Variants in H4C7 observed in about 807,000 individuals in gnomAD.
H4C7 encodes the protein H4 clustered histone 7.
Under a neutral mutation model 5.2 loss-of-function variants are expected in H4C7, and 7 were observed. That is an observed-to-expected ratio of 1.34 (90% CI 0.76 to 2.52). The LOEUF is 2.52. Among genes scored for constraint, H4C7 ranks in the 30% most tolerant of loss-of-function variants. The probability of loss-of-function intolerance (pLI) is 0.00; values close to 1 mark genes in which losing one functional copy is unlikely to be tolerated. For missense variants in H4C7, 148 were observed against 138.4 expected, an observed-to-expected ratio of 1.07 and a Z score of -0.35; for synonymous variants, 69 against 57.5, an observed-to-expected ratio of 1.20 and a Z score of -0.90.
Position 26,246,744 on chromosome 6 carries a change from C to T in H4C7, c.234G>A (p.Lys78=), listed in dbSNP as rs746299275. The change falls in exon 1 of 1, where the codon AAG becomes AAA. Residue 78 remains lysine (K), a synonymous_variant. Coordinates refer to ENST00000611444, the MANE Select transcript of H4C7 (RefSeq NM_003547.3). ...WYAVTNTEHA[K]RKTVTAMAVV... ...CGGCCATGGCGGTGACCGTCTTGCG[C>T]TTGGCGTGCTCCGTGTTGGTCACGG... 1.4e-5 allele frequency: 22 copies of T among 1,613,142 alleles called. No homozygotes were observed. The highest frequency in any genetic ancestry group is 1.6e-4 in the Middle Eastern group (1 of 6,082).
chr6:26,246,624 A>G lies in H4C7; in HGVS notation c.*57T>C. 2.0e-6 allele frequency: 3 copies of G among 1,482,832 alleles called. No homozygotes were observed. The highest frequency in any genetic ancestry group is 2.7e-6 in the Non-Finnish European group (3 of 1,101,076). The allele number at this position is 1,482,832 out of a possible 1,614,324, so 91.9% of individuals were successfully genotyped here. A position where few individuals can be genotyped will look rare whatever the true frequency, so the allele number is the denominator to read the frequency against. ...CGGAAGAAAACGTACGCGGCCCTGA[A>G]AAGGGCCATTAACGATATTGCAAGG... On this transcript the variant is annotated 3_prime_UTR_variant, in exon 1 of 1. Coordinates refer to ENST00000611444, the MANE Select transcript of H4C7 (RefSeq NM_003547.3).
Position 26,246,839 on chromosome 6 carries a change from T to A in H4C7, c.139A>T (p.Ile47Phe). Residue 47 changes from isoleucine to phenylalanine, a missense_variant, in exon 1 of 1, where the codon ATC (isoleucine) becomes TTC (phenylalanine). Physicochemically the swap from Ile to Phe is conservative, Grantham distance 21. Coordinates refer to ENST00000611444, the MANE Select transcript of H4C7 (RefSeq NM_003547.3). Reference protein sequence around the residue: ...RLARHGGVKRILGLIYEETRR... With the variant: ...RLARHGGVKRFLGLIYEETRR... ...GTCTCCTCATAAATGAGGCCCAAGA[T>A]GCGCTTGACACCGCCATGCCGGGCC... 6.2e-7 allele frequency: 1 copy of A among 1,614,214 alleles called. No homozygotes were observed. The highest frequency in any genetic ancestry group is 8.5e-7 in the Non-Finnish European group (1 of 1,180,034).
chr6:26,246,984 C>T lies in H4C7; in HGVS notation c.-7G>A. ...CCTTGCCCCGAACAGACATGATAAACAAGTCAGAACTATCTCTAAACAAAA... is the reference window on the plus strand; with the variant it reads ...CCTTGCCCCGAACAGACATGATAAATAAGTCAGAACTATCTCTAAACAAAA... On this transcript the variant is annotated 5_prime_UTR_variant, in exon 1 of 1. Coordinates refer to ENST00000611444, the MANE Select transcript of H4C7 (RefSeq NM_003547.3). 1 of 1,575,316 alleles carries T rather than the reference C, an allele frequency of 6.3e-7. No homozygotes were observed. The highest frequency in any genetic ancestry group is 8.7e-7 in the Non-Finnish European group (1 of 1,154,424).
rs778903484 is a variant in H4C7 at position 26,246,757 on chromosome 6, G to C, written c.221C>G (p.Thr74Arg). Residue 74 changes from threonine to arginine, a missense_variant, in exon 1 of 1, where the codon ACG becomes AGG. Coordinates refer to ENST00000611444, the MANE Select transcript of H4C7 (RefSeq NM_003547.3). ...GACCGTCTTGCGCTTGGCGTGCTCC[G>C]TGTTGGTCACGGCGTACCAGATCAC... ...ENVIWYAVTN[T>R]EHAKRKTVTA... 6 of 1,614,002 alleles carry C rather than the reference G, an allele frequency of 3.7e-6. No individual in the cohort carries two copies. The South Asian group carries it at 6.6e-5, about 18-fold the overall frequency.
rs767165492 is a variant in H4C7 at position 26,246,792 on chromosome 6, G to C, written c.186C>G (p.Phe62Leu). The change falls in exon 1 of 1, where the codon TTC becomes TTG. Residue 62 changes from phenylalanine to leucine, a missense_variant. Coordinates refer to ENST00000611444, the MANE Select transcript of H4C7 (RefSeq NM_003547.3). ...YEETRRVFKV[F>L]LENVIWYAVT... ...CGGCGTACCAGATCACATTTTCCAG[G>C]AACACCTTGAACACCCGGCGGGTCT... is the stretch of plus-strand genomic sequence containing the variant. 2.5e-5 allele frequency: 41 copies of C among 1,614,022 alleles called. No homozygotes were observed. The highest frequency in any genetic ancestry group is 3.3e-5 in the Non-Finnish European group (39 of 1,180,020).
rs1433059111 is a variant in H4C7, at chr6:26,246,756, C to T, written c.222G>A (p.Thr74=). The T allele has an allele frequency of 1.2e-6, 2 of 1,613,816 alleles. No homozygotes were observed. The highest frequency in any genetic ancestry group is 1.7e-6 in the Non-Finnish European group (2 of 1,179,844). ...TGACCGTCTTGCGCTTGGCGTGCTC[C>T]GTGTTGGTCACGGCGTACCAGATCA... ...ENVIWYAVTN[T]EHAKRKTVTA... The change falls in exon 1 of 1, where the codon ACG becomes ACA. Residue 74 remains threonine, a synonymous_variant. Transcript: ENST00000611444.
At position 26,246,987 on chromosome 6, in the gene H4C7, G is replaced by T; in HGVS notation, c.-10C>A. On this transcript the variant is annotated 5_prime_UTR_variant, in exon 1 of 1. Transcript: ENST00000611444. Reference sequence around the variant, plus strand: ...TGCCCCGAACAGACATGATAAACAAGTCAGAACTATCTCTAAACAAAACGA... The same window carrying T: ...TGCCCCGAACAGACATGATAAACAATTCAGAACTATCTCTAAACAAAACGA... 6.4e-7 allele frequency: 1 copy of T among 1,574,496 alleles called. No homozygotes were observed. Among genetic ancestry groups the T allele is most frequent in the Non-Finnish European group, 8.7e-7 (1 of 1,154,034 alleles).
Position 26,246,957 on chromosome 6 carries a change from G to C in H4C7, c.21C>G (p.Ala7=), listed in dbSNP as rs371099752. 1 of 1,599,884 alleles carries C rather than the reference G, an allele frequency of 6.3e-7. No individual in the cohort carries two copies. The highest frequency in any genetic ancestry group is 1.7e-5 in the Admixed American group (1 of 59,534). MSVRGK[A]GKGLGKGGAK... The stretch of plus-strand genomic sequence containing the variant: ...CACCGCCTTTCCCAAGGCCTTTTCC[G>C]GCCTTGCCCCGAACAGACATGATAA... Residue 7 remains alanine, a synonymous_variant, in exon 1 of 1, where the codon GCC becomes GCG. Coordinates refer to ENST00000611444, the MANE Select transcript of H4C7 (RefSeq NM_003547.3).
chr6:26,246,720 G>C lies in H4C7; in HGVS notation c.258C>G (p.Ala86=), dbSNP rs1759965019. The C allele has an allele frequency of 2.5e-6, 4 of 1,606,810 alleles. No individual in the cohort carries two copies. Among genetic ancestry groups the C allele is most frequent in the Non-Finnish European group, 3.4e-6 (4 of 1,173,976 alleles). ...HAKRKTVTAM[A]VVYVLKRQGR... ...CCTGGCGTTTGAGCACGTAGACCAC[G>C]GCCATGGCGGTGACCGTCTTGCGCT... The change falls in exon 1 of 1, where the codon GCC becomes GCG. Residue 86 remains alanine, a synonymous_variant. Transcript: ENST00000611444.
chr6:26,246,708 C>A lies in H4C7; in HGVS notation c.270G>T (p.Val90=), dbSNP rs369079061. 1.2e-5 allele frequency: 19 copies of A among 1,601,768 alleles called. No individual in the cohort carries two copies. Among genetic ancestry groups the A allele is most frequent in the Non-Finnish European group, 1.6e-5 (19 of 1,170,310 alleles). The change falls in exon 1 of 1, where the codon GTG becomes GTT. Residue 90 remains valine, a synonymous_variant. Coordinates refer to ENST00000611444, the MANE Select transcript of H4C7 (RefSeq NM_003547.3). Reference sequence around the variant, plus strand: ...ACAGGGTTCTTCCCTGGCGTTTGAGCACGTAGACCACGGCCATGGCGGTGA... The same window carrying A: ...ACAGGGTTCTTCCCTGGCGTTTGAGAACGTAGACCACGGCCATGGCGGTGA... ...KTVTAMAVVY[V]LKRQGRTL is the part of the protein sequence containing the mutation.
rs1019994955 is a variant in H4C7 at position 26,246,968 on chromosome 6, G to C, written c.10C>G (p.Arg4Gly). The change falls in exon 1 of 1, where the codon CGG (arginine) becomes GGG (glycine). Residue 4 changes from arginine (R) to glycine (G), a missense_variant. Transcript: ENST00000611444. MSV[R>G]GKAGKGLGKG... is the part of the protein sequence containing the mutation. ...CCAAGGCCTTTTCCGGCCTTGCCCCGAACAGACATGATAAACAAGTCAGAA... is the reference window on the plus strand; with the variant it reads ...CCAAGGCCTTTTCCGGCCTTGCCCCCAACAGACATGATAAACAAGTCAGAA... The C allele has an allele frequency of 1.3e-6, 2 of 1,590,396 alleles. No homozygotes were observed. The highest frequency in any genetic ancestry group is 2.7e-5 in the African/African-American group (2 of 74,210).
chr6:26,246,967 C>T lies in H4C7; in HGVS notation c.11G>A (p.Arg4Gln). ...CCCAAGGCCTTTTCCGGCCTTGCCCCGAACAGACATGATAAACAAGTCAGA... is the reference window on the plus strand; with the variant it reads ...CCCAAGGCCTTTTCCGGCCTTGCCCTGAACAGACATGATAAACAAGTCAGA... The part of the protein sequence containing the change: MSV[R>Q]GKAGKGLGKG... The change falls in exon 1 of 1, where the codon CGG (arginine) becomes CAG (glutamine). Residue 4 changes from arginine to glutamine, a missense_variant. Coordinates refer to ENST00000611444, the MANE Select transcript of H4C7 (RefSeq NM_003547.3). 1 of 1,591,582 alleles carries T rather than the reference C, an allele frequency of 6.3e-7. No individual in the cohort carries two copies. The highest frequency in any genetic ancestry group is 8.6e-7 in the Non-Finnish European group (1 of 1,163,572).
rs757598944 is a variant in H4C7, at chr6:26,246,616, G to T, written c.*65C>A. The stretch of plus-strand genomic sequence containing the variant: ...GAGCCCTTCGGAAGAAAACGTACGC[G>T]GCCCTGAAAAGGGCCATTAACGATA... On this transcript the variant is annotated 3_prime_UTR_variant, in exon 1 of 1. Coordinates refer to ENST00000611444, the MANE Select transcript of H4C7 (RefSeq NM_003547.3). The T allele has an allele frequency of 6.6e-5, 96 of 1,451,604 alleles. No individual in the cohort carries two copies. Among genetic ancestry groups the T allele is most frequent in the Non-Finnish European group, 8.3e-5 (89 of 1,076,702 alleles). 89.9% of individuals were successfully genotyped at this position (1,451,604 alleles called of 1,614,324 possible).
Position 26,246,899 on chromosome 6 carries a change from T to A in H4C7, c.79A>T (p.Ile27Phe). ...KCHRKVLSDN[I>F]QGITKCTIRR... ...ATAGTGCACTTGGTAATGCCCTGAA[T>A]ATTATCGCTCAGTACCTTGCGATGG... Residue 27 changes from isoleucine to phenylalanine, a missense_variant, in exon 1 of 1, where the codon ATT (isoleucine) becomes TTT (phenylalanine). Physicochemically the swap from Ile to Phe is conservative, Grantham distance 21 (BLOSUM62 0). Coordinates refer to ENST00000611444, the MANE Select transcript of H4C7 (RefSeq NM_003547.3). 6.2e-7 allele frequency: 1 copy of A among 1,614,180 alleles called. No individual in the cohort carries two copies. Among genetic ancestry groups the A allele is most frequent in the Non-Finnish European group, 8.5e-7 (1 of 1,180,006 alleles).
chr6:26,246,903 A>AT lies in H4C7; in HGVS notation c.74dup (p.Asp25GlufsTer2). ...TGCACTTGGTAATGCCCTGAATATTATCGCTCAGTACCTTGCGATGGCACT... is the reference window on the plus strand; with the variant it reads ...TGCACTTGGTAATGCCCTGAATATTATTCGCTCAGTACCTTGCGATGGCACT... On this transcript the variant is annotated frameshift_variant, in exon 1 of 1. Coordinates refer to ENST00000611444, the MANE Select transcript of H4C7 (RefSeq NM_003547.3). LOFTEE classifies it high-confidence loss of function. The AT allele has an allele frequency of 6.2e-7, 1 of 1,614,128 alleles. No homozygotes were observed. The highest frequency in any genetic ancestry group is 8.5e-7 in the Non-Finnish European group (1 of 1,179,988).
At position 26,246,816 on chromosome 6, in the gene H4C7, C is replaced by A; in HGVS notation, c.162G>T (p.Glu54Asp). The A allele has an allele frequency of 1.2e-6, 2 of 1,614,198 alleles. No individual in the cohort carries two copies. The highest frequency in any genetic ancestry group is 1.1e-5 in the South Asian group (1 of 91,092). ...GGAACACCTTGAACACCCGGCGGGT[C>A]TCCTCATAAATGAGGCCCAAGATGC... ...VKRILGLIYEETRRVFKVFLE... is the reference protein window; with the variant it reads ...VKRILGLIYEDTRRVFKVFLE... Residue 54 changes from glutamate (E) to aspartate (D), a missense_variant, in exon 1 of 1, where the codon GAG (glutamate) becomes GAT (aspartate). By Grantham distance (45) the Glu-to-Asp change is conservative. Transcript: ENST00000611444.
Position 26,246,916 on chromosome 6 carries a change from T to C in H4C7, c.62A>G (p.Lys21Arg), listed in dbSNP as rs1311719728. The C allele has an allele frequency of 2.5e-6, 4 of 1,608,626 alleles. No individual in the cohort carries two copies. The highest frequency in any genetic ancestry group is 1.7e-5 in the Admixed American group (1 of 59,932). Residue 21 changes from lysine to arginine, a missense_variant, in exon 1 of 1, where the codon AAG becomes AGG. Lys to Arg is a conservative substitution (Grantham distance 26). Coordinates refer to ENST00000611444, the MANE Select transcript of H4C7 (RefSeq NM_003547.3). The part of the protein sequence containing the change: ...LGKGGAKCHR[K>R]VLSDNIQGIT... The stretch of plus-strand genomic sequence containing the variant: ...GCCCTGAATATTATCGCTCAGTACC[T>C]TGCGATGGCACTTGGCACCGCCTTT...
chr6:26,246,728 C>T lies in H4C7; in HGVS notation c.250G>A (p.Ala84Thr), dbSNP rs749954831. 3 of 1,609,846 alleles carry T rather than the reference C, an allele frequency of 1.9e-6. No homozygotes were observed. Among genetic ancestry groups the T allele is most frequent in the African/African-American group, 1.3e-5 (1 of 74,970 alleles). The change falls in exon 1 of 1, where the codon GCC becomes ACC. Residue 84 changes from alanine (A) to threonine (T), a missense_variant. Coordinates refer to ENST00000611444, the MANE Select transcript of H4C7 (RefSeq NM_003547.3). ...TEHAKRKTVT[A>T]MAVVYVLKRQ... ...TTGAGCACGTAGACCACGGCCATGG[C>T]GGTGACCGTCTTGCGCTTGGCGTGC...
In H4C7 at chr6:26,246,772, T is replaced by A. The variant is rs776758136; in HGVS notation, c.206A>T (p.Tyr69Phe). 4.3e-6 allele frequency: 7 copies of A among 1,614,160 alleles called. No homozygotes were observed. The East Asian group carries it at 1.3e-4, about 31-fold the overall frequency. ...FKVFLENVIW[Y>F]AVTNTEHAKR... ...GGCGTGCTCCGTGTTGGTCACGGCG[T>A]ACCAGATCACATTTTCCAGGAACAC... Residue 69 changes from tyrosine to phenylalanine, a missense_variant, in exon 1 of 1, where the codon TAC becomes TTC. Physicochemically the swap from Tyr to Phe is conservative, Grantham distance 22. Coordinates refer to ENST00000611444, the MANE Select transcript of H4C7 (RefSeq NM_003547.3).
Sources: gnomAD v4.1 joint callset for allele counts on GRCh38, gnomAD v4.1.1 for gene constraint, MANE v1.5 for transcripts, NCBI Gene and HGNC (gene_info 2026-07-23, HGNC 2026-07-21) for gene names.